The following NBL1 variants were observed in gnomAD, a reference collection of about 807,000 sequenced individuals.
NBL1 encodes the protein NBL1, DAN family BMP antagonist.
NBL1 carries 9 observed loss-of-function variants against 16.0 expected under a neutral mutation model. The ratio of observed to expected loss-of-function variants is 0.56; its 90% CI spans 0.34 to 0.98. The LOEUF (loss-of-function observed/expected upper bound fraction) is 0.98, where lower values mean the gene tolerates loss of function less well. Among genes scored for constraint, NBL1 ranks in the 50% least tolerant of loss-of-function variants. The probability of loss-of-function intolerance (pLI) is 0.02; values close to 1 mark genes in which losing one functional copy is unlikely to be tolerated. For synonymous variants in NBL1, 86 were observed against 100.7 expected (o/e 0.85, Z 0.87); for missense variants, 196 against 243.1 (o/e 0.81, Z 1.29).
Position 19,653,136 on chromosome 1 carries a change from A to G in NBL1, c.-19-1876A>G, listed in dbSNP as rs181636152. On this transcript the variant is annotated intron_variant, in intron 1 of 3. Transcript: ENST00000375136. ...CCCCGTCTCTACTGAAAATACAAAA[A>G]ATTAGTGGGGCATGGTGGTGGGCGC... 8.1e-4 allele frequency among the ~76,000 whole-genome samples: 122 copies of G among 151,076 alleles called. 1 individual carries two copies. The highest frequency in any genetic ancestry group is 8.0e-3 in the Admixed American group (121 of 15,160).
intron 1 of NBL1, among the ~76,000 whole-genome samples, chr1:19,650,528 G>A (rs1455102698): frequency 6.6e-6 from 1 of 152,214 alleles, no homozygotes; most frequent in Non-Finnish European, 1.5e-5. Flanking sequence ...GAACGGCCCA[G>A]GGCAGGGCAT....
At chr1:19,653,273 G>A (rs1346566269) in intron 1 of NBL1, among the ~76,000 whole-genome samples, 5 of 129,716 alleles carry the variant, frequency 3.9e-5, no homozygotes, top group African/African-American at 9.1e-5. Flanking sequence ...GCAACAGAGC[G>A]AGACTCCGTC....
chr1:19,647,888 T>C lies in NBL1; in HGVS notation c.-20+3442T>C, dbSNP rs543588199. 2.8e-5 allele frequency among the ~76,000 whole-genome samples: 4 copies of C among 142,712 alleles called. No individual in the cohort carries two copies. In the East Asian group the frequency reaches 7.8e-4, roughly 28 times the overall value. The allele number at this position is 142,712 out of a possible 152,430, so 93.6% of individuals were successfully genotyped here. The stretch of plus-strand genomic sequence containing the variant: ...GTGCGTGTGTGTGTGTGTGTGCGTG[T>C]GCGCGCGTGTGTGTGCGTGCTTGTG... On this transcript the variant is annotated intron_variant, in intron 1 of 3. Coordinates refer to ENST00000375136, the MANE Select transcript of NBL1 (RefSeq NM_005380.8).
At chr1:19,647,588 C>T (rs1405302170) in intron 1 of NBL1, 46 of 985,170 alleles carry the variant, frequency 4.7e-5, no homozygotes, top group Non-Finnish European at 5.5e-5. Flanking sequence ...GGGGGAGCAT[C>T]TGGTTTGAAA....
In NBL1 at chr1:19,645,698, C is replaced by T. The variant is rs1280918140; in HGVS notation, c.-20+1252C>T. On this transcript the variant is annotated intron_variant, in intron 1 of 3. Coordinates refer to ENST00000375136, the MANE Select transcript of NBL1 (RefSeq NM_005380.8). The stretch of plus-strand genomic sequence containing the variant: ...TGGGGCCAAAGAAAAGGCGAGGCTG[C>T]AGCGTTTCCTCGGTGACCCCTACCC... The T allele has an allele frequency of 2.8e-5, 35 of 1,260,272 alleles. No homozygotes were observed. In the East Asian group the frequency reaches 1.2e-3, roughly 44 times the overall value. 78.1% of individuals were successfully genotyped at this position (1,260,272 alleles called of 1,614,324 possible). A position where few individuals can be genotyped will look rare whatever the true frequency, so the allele number is the denominator to read the frequency against.
intron 3 of NBL1, 55 bp downstream of exon 3, chr1:19,655,490 T>C: frequency 6.3e-7 from 1 of 1,585,232 alleles, no homozygotes; most frequent in South Asian, 1.1e-5. Flanking sequence ...GCCCCAGCCT[T>C]GGCCTTTCTC....
At chr1:19,643,273 A>G, upstream of NBL1, 2 of 1,597,322 alleles carry the variant, frequency 1.3e-6, no homozygotes, top group Non-Finnish European at 1.7e-6. This position sits in a 1 kb window ranked among gnomAD's most constrained non-coding sequence, Gnocchi z 4.7. Context: ...GCTGGAGTAC[A>G]CCAGGGAGTT....
chr1:19,656,929 C>A lies in NBL1; in HGVS notation c.346C>A (p.Leu116Met). Reference protein sequence around the residue: ...PRVDKLVEKILHCSCQACGKE... With the variant: ...PRVDKLVEKIMHCSCQACGKE... ...GGTGGACAAGCTGGTGGAGAAGATC[C>A]TGCACTGTAGCTGCCAGGCCTGCGG... Residue 116 changes from leucine (L) to methionine (M), a missense_variant, in exon 4 of 4, where the codon CTG (leucine) becomes ATG (methionine). Leu to Met is a conservative substitution (Grantham distance 15). Transcript: ENST00000375136. 2 of 1,613,392 alleles carry A rather than the reference C, an allele frequency of 1.2e-6. No individual in the cohort carries two copies. Among genetic ancestry groups the A allele is most frequent in the Non-Finnish European group, 1.7e-6 (2 of 1,179,792 alleles).
chr1:19,645,737 C>T (rs2094975277), intron 1 of NBL1: 7 of 1,355,322 alleles, frequency 5.2e-6, no homozygotes, highest in Admixed American at 3.1e-5. Flanking sequence ...TCCACCCACC[C>T]CTGCAAGCTG....
At chr1:19,651,631 AC>A (rs1275552166) in intron 1 of NBL1, among the ~76,000 whole-genome samples, 1 of 151,480 alleles carries the variant, frequency 6.6e-6, no homozygotes, top group African/African-American at 2.4e-5. Context: ...CCAAGTGCTC[AC>A]CCCAGCCTCC....
In NBL1 at chr1:19,655,001, C is replaced by T; in HGVS notation, c.-19-11C>T. 1.3e-6 allele frequency: 2 copies of T among 1,565,220 alleles called. No homozygotes were observed. The highest frequency in any genetic ancestry group is 1.7e-6 in the Non-Finnish European group (2 of 1,154,824). ...TGCTGTGCCTCACCTGGCACCTGTG[C>T]TCCGTTCTAGGGCTCTGGAGGCCAC... On this transcript the variant is annotated splice_polypyrimidine_tract_variant and intron_variant, in intron 1 of 3. Transcript: ENST00000375136.
chr1:19,657,048 C>A lies in NBL1; in HGVS notation c.465C>A (p.His155Gln). ...GCACCCACCCTCACCCCCATCCCCA[C>A]CCCCATCCTGGCGGGCAGACCCCTG... ...QPGTHPHPHP[H>Q]PHPGGQTPEP... The change falls in exon 4 of 4, where the codon CAC becomes CAA. Residue 155 changes from histidine (H) to glutamine (Q), a missense_variant. Physicochemically the swap from His to Gln is conservative, Grantham distance 24 (BLOSUM62 0). Transcript: ENST00000375136. 1 of 1,548,878 alleles carries A rather than the reference C, an allele frequency of 6.5e-7. No homozygotes were observed. The highest frequency in any genetic ancestry group is 8.7e-7 in the Non-Finnish European group (1 of 1,146,310).
At chr1:19,643,376 T>C (rs1167291453), upstream of NBL1, 2 of 1,613,746 alleles carry the variant, frequency 1.2e-6, no homozygotes, top group African/African-American at 2.7e-5. This position sits in a 1 kb window ranked among gnomAD's most constrained non-coding sequence, Gnocchi z 4.7. Flanking sequence ...CCAGCCAAGC[T>C]AGGTAAAACA....
Position 19,658,378 on chromosome 1 carries a change from T to G in NBL1, c.*1249T>G, listed in dbSNP as rs2095067211. ...CCCTCCTGGCTGTTGCGACGCGGGC[T>G]TCTGGAGCTTGTCACCATTGGACAG... On this transcript the variant is annotated 3_prime_UTR_variant, in exon 4 of 4. Coordinates refer to ENST00000375136, the MANE Select transcript of NBL1 (RefSeq NM_005380.8). 6.6e-6 allele frequency: 1 copy of G among 152,620 alleles called. No homozygotes were observed. The highest frequency in any genetic ancestry group is 1.5e-5 in the Non-Finnish European group (1 of 68,086). 9.5% of individuals were successfully genotyped at this position (152,620 alleles called of 1,614,324 possible).
rs903638025 is a variant in NBL1 at position 19,644,869 on chromosome 1, C to T, written c.-20+423C>T. Among the ~76,000 whole-genome samples, 1 of 152,178 alleles carries T rather than the reference C, an allele frequency of 6.6e-6. No individual in the cohort carries two copies. The highest frequency in any genetic ancestry group is 2.4e-5 in the African/African-American group (1 of 41,464). ...GGACGTTTCCGCCTCCCGCGGCCCC[C>T]TCTGCTTCGGTCCCCACGTCCGTGT... On this transcript the variant is annotated intron_variant, in intron 1 of 3. Coordinates refer to ENST00000375136, the MANE Select transcript of NBL1 (RefSeq NM_005380.8). This position sits in a 1 kb window ranked among gnomAD's most constrained non-coding sequence, Gnocchi z 4.6.
Position 19,649,028 on chromosome 1 carries a change from C to T in NBL1, c.-20+4582C>T, listed in dbSNP as rs905158658. Among the ~76,000 whole-genome samples the T allele has an allele frequency of 7.2e-5, 11 of 152,238 alleles. 1 individual carries two copies. Among genetic ancestry groups the T allele is most frequent in the Admixed American group, 6.5e-4 (10 of 15,296 alleles). On this transcript the variant is annotated intron_variant, in intron 1 of 3. Transcript: ENST00000375136. ...TGTTAACAGGAATGAGAGGCGCAGT[C>T]GGCTGGGGCAGTGGTGGGAGCTCCA...
At chr1:19,645,002 G>A (rs1026436337) in intron 1 of NBL1, among the ~76,000 whole-genome samples, 2 of 152,176 alleles carry the variant, frequency 1.3e-5, no homozygotes, top group Non-Finnish European at 2.9e-5. Flanking sequence ...TTGTGTCTCT[G>A]CCTCTGGCTT....
intron 1 of NBL1, among the ~76,000 whole-genome samples, chr1:19,653,262 G>T (rs2095037410): frequency 7.0e-6 from 1 of 142,414 alleles, no homozygotes; most frequent in African/African-American, 2.6e-5. Context: ...CTCCAGCCTG[G>T]GCAACAGAGC....
chr1:19,645,899 C>T (rs776839769), intron 1 of NBL1: 53 of 1,546,504 alleles, frequency 3.4e-5, no homozygotes, highest in Non-Finnish European at 4.2e-5. Flanking sequence ...CGGAGGCTGC[C>T]GGAGCGGGCA....
Sources: allele counts gnomAD v4.1 joint callset (sites outside exome capture counted in the v4.1 genomes callset), GRCh38; gene constraint gnomAD v4.1.1; non-coding constraint Gnocchi (gnomAD v3.1); transcripts MANE v1.5; gene names NCBI Gene and HGNC (gene_info 2026-07-23, HGNC 2026-07-21).